Variants in NELL1 observed in about 807,000 individuals in gnomAD.
NELL1 encodes neural EGFL like 1, also known as protein kinase C-binding protein NELL1.
NELL1 carries 76 observed loss-of-function variants against 107.4 expected under a neutral mutation model. That is an observed-to-expected ratio of 0.71 (90% CI 0.59 to 0.86). The LOEUF (loss-of-function observed/expected upper bound fraction) is 0.86, where lower values mean the gene tolerates loss of function less well. Ranked by LOEUF, NELL1 falls within the 40% of genes least tolerant of loss-of-function variation. NELL1 has a pLI of 0.00. For missense variants in NELL1, 1,024 were observed against 1,005.5 expected (o/e 1.02, Z -0.25); for synonymous variants, 353 against 341.2 (o/e 1.03, Z -0.38).
chr11:21,531,113 A>G (rs562979202), intron 15 of NELL1, among the ~76,000 whole-genome samples: 3 of 152,264 alleles, frequency 2.0e-5, no homozygotes, highest in African/African-American at 7.2e-5. Context: ...TAGGGGAGGG[A>G]GTTGGTGATA....
At chr11:21,058,306 C>A (rs1212174323) in intron 12 of NELL1, among the ~76,000 whole-genome samples, 4 of 152,056 alleles carry the variant, frequency 2.6e-5, no homozygotes, top group Non-Finnish European at 4.4e-5. Flanking sequence ...TATCCTCCTT[C>A]AATTATAATA....
rs568386040 is a variant in NELL1 at position 21,185,546 on chromosome 11, C to T, written c.1427-43786C>T. 7.2e-5 allele frequency among the ~76,000 whole-genome samples: 11 copies of T among 151,784 alleles called. No homozygotes were observed. In the East Asian group the frequency reaches 1.5e-3, roughly 21 times the overall value. On this transcript the variant is annotated intron_variant, in intron 13 of 19. Coordinates refer to ENST00000357134, the MANE Select transcript of NELL1 (RefSeq NM_006157.5). Reference sequence around the variant, plus strand: ...CTGACCTCAGGTGATCCACCCGCCTCGGCCTCCCAAAGTGCTGGGATTACA... The same window carrying T: ...CTGACCTCAGGTGATCCACCCGCCTTGGCCTCCCAAAGTGCTGGGATTACA...
chr11:20,886,249 C>T (rs535132653), intron 5 of NELL1, among the ~76,000 whole-genome samples: 2 of 151,986 alleles, frequency 1.3e-5, no homozygotes, highest in South Asian at 4.2e-4. Flanking sequence ...CCCCTACATC[C>T]AAAATTTTTT....
At chr11:21,478,963 A>C (rs915662463) in intron 15 of NELL1, among the ~76,000 whole-genome samples, 1 of 152,188 alleles carries the variant, frequency 6.6e-6, no homozygotes, top group Non-Finnish European at 1.5e-5. Context: ...GATCATCAGA[A>C]TAATGCAAAT....
At chr11:21,048,411 A>T (rs1853409040) in intron 12 of NELL1, among the ~76,000 whole-genome samples, 1 of 152,128 alleles carries the variant, frequency 6.6e-6, no homozygotes, top group African/African-American at 2.4e-5. Context: ...CTTCTGTGAA[A>T]TCCTCATTTG....
At chr11:21,473,283 A>G (rs1050733388) in intron 15 of NELL1, among the ~76,000 whole-genome samples, 2 of 151,960 alleles carry the variant, frequency 1.3e-5, no homozygotes, top group African/African-American at 4.8e-5. Context: ...TATTTCCTCT[A>G]CAAGCCTCTG....
chr11:21,019,790 A>T (rs1565018047), intron 12 of NELL1, among the ~76,000 whole-genome samples: 1 of 152,062 alleles, frequency 6.6e-6, no homozygotes, highest in South Asian at 2.1e-4. Flanking sequence ...CTGCATTAGG[A>T]TGCAGAGAAC....
chr11:20,872,123 A>G (rs1438532876), intron 4 of NELL1, among the ~76,000 whole-genome samples: 1 of 148,818 alleles, frequency 6.7e-6, no homozygotes, highest in Non-Finnish European at 1.5e-5. Flanking sequence ...GCCAAGCCTG[A>G]CTCTGCTGCT....
At chr11:21,071,584 A>G (rs781192822) in intron 12 of NELL1, among the ~76,000 whole-genome samples, 1 of 152,190 alleles carries the variant, frequency 6.6e-6, no homozygotes, top group Non-Finnish European at 1.5e-5. Flanking sequence ...TCATATCATC[A>G]GTGTAGCTTT....
chr11:20,790,639 G>A (rs1162977042), intron 3 of NELL1, among the ~76,000 whole-genome samples: 4 of 152,008 alleles, frequency 2.6e-5, no homozygotes, highest in African/African-American at 7.3e-5. Flanking sequence ...TGAGCCCAGC[G>A]AGGTAGGACT....
intron 14 of NELL1, among the ~76,000 whole-genome samples, chr11:21,361,533 C>G (rs990187606): frequency 3.3e-5 from 5 of 152,058 alleles, no homozygotes; most frequent in Admixed American, 1.3e-4. Flanking sequence ...GTCTAGATCT[C>G]TAGTAAGACC....
At chr11:21,164,967 T>G (rs180973863) in intron 13 of NELL1, among the ~76,000 whole-genome samples, 2 of 152,230 alleles carry the variant, frequency 1.3e-5, no homozygotes, top group Non-Finnish European at 2.9e-5. Flanking sequence ...TCACTGACAT[T>G]CCTTCTCATA....
chr11:21,203,485 T>C, intron 13 of NELL1, among the ~76,000 whole-genome samples: 1 of 151,128 alleles, frequency 6.6e-6, no homozygotes, highest in African/African-American at 2.5e-5. Flanking sequence ...TCCTCCATCC[T>C]TTTATTTTGA....
chr11:21,329,417 T>G (rs769424528), intron 14 of NELL1, among the ~76,000 whole-genome samples: 2 of 152,164 alleles, frequency 1.3e-5, no homozygotes, highest in Non-Finnish European at 2.9e-5. Flanking sequence ...TTAAACTTCT[T>G]TCCACTATAA....
chr11:20,702,267 A>C (rs1854812915), intron 2 of NELL1, among the ~76,000 whole-genome samples: 1 of 152,122 alleles, frequency 6.6e-6, no homozygotes, highest in Admixed American at 6.6e-5. Flanking sequence ...TTCTCTTTGA[A>C]GCAATTATGA....
chr11:21,308,275 T>G (rs1849652821), intron 14 of NELL1, among the ~76,000 whole-genome samples: 1 of 152,014 alleles, frequency 6.6e-6, no homozygotes, highest in South Asian at 2.1e-4. Context: ...GTAGAAACTG[T>G]TAAAGAAAAC....
chr11:20,686,080 G>GT lies in NELL1; in HGVS notation c.184+8021dup, dbSNP rs546783791. Reference sequence around the variant, plus strand: ...GGAAAGCACTTCAAAAGTGCAAAGTGTAAAAAAAAAACAGTTCATTATTCT... The same window carrying GT: ...GGAAAGCACTTCAAAAGTGCAAAGTGTTAAAAAAAAAACAGTTCATTATTCT... On this transcript the variant is annotated intron_variant, in intron 2 of 19. Coordinates refer to ENST00000357134, the MANE Select transcript of NELL1 (RefSeq NM_006157.5). Among the ~76,000 whole-genome samples the GT allele has an allele frequency of 2.0e-4, 31 of 151,334 alleles. 1 individual carries two copies. The South Asian group carries it at 3.1e-3, about 15-fold the overall frequency.
intron 15 of NELL1, among the ~76,000 whole-genome samples, chr11:21,487,280 A>G (rs146581548): frequency 6.6e-6 from 1 of 152,310 alleles, no homozygotes; most frequent in Non-Finnish European, 1.5e-5. Context: ...TCTCAGCACA[A>G]TGCAGGAGAG....
intron 15 of NELL1, among the ~76,000 whole-genome samples, chr11:21,377,286 G>A (rs1851503079): frequency 6.6e-6 from 1 of 152,068 alleles, no homozygotes; most frequent in Admixed American, 6.6e-5. Context: ...AGCATTTTCT[G>A]CATCTATGGA....
Sources: allele counts gnomAD v4.1 joint callset (sites outside exome capture counted in the v4.1 genomes callset), GRCh38; gene constraint gnomAD v4.1.1; transcripts MANE v1.5; gene names NCBI Gene and HGNC (gene_info 2026-07-23, HGNC 2026-07-21).